Variants in INPP5F observed in about 807,000 individuals in gnomAD.
The protein encoded by INPP5F is phosphatidylinositide 4-phosphatase SAC2.
A neutral mutation model predicts 137.2 loss-of-function variants in INPP5F; 97 were observed. The ratio of observed to expected loss-of-function variants is 0.71; its 90% CI spans 0.60 to 0.84. INPP5F has a LOEUF of 0.84. INPP5F is among the 40% of genes least tolerant of loss of function. INPP5F has a pLI of 0.00. For missense variants in INPP5F, 1,271 were observed against 1,371.9 expected, an observed-to-expected ratio of 0.93 and a Z score of 1.16; for synonymous variants, 504 against 476.9, an observed-to-expected ratio of 1.06 and a Z score of -0.74.
intron 3 of INPP5F, among the ~76,000 whole-genome samples, chr10:119,790,061 G>C (rs1376276746): frequency 6.6e-6 from 1 of 151,412 alleles, no homozygotes; most frequent in African/African-American, 2.4e-5. Context: ...GGGGTGGGGT[G>C]GGGGGCGAGT....
intron 1 of INPP5F, among the ~76,000 whole-genome samples, chr10:119,731,073 C>A (rs188903587): frequency 1.3e-5 from 2 of 152,264 alleles, no homozygotes; most frequent in East Asian, 3.9e-4. Context: ...AGGCATGAGC[C>A]ACCGCGCCTG....
chr10:119,814,264 G>A (rs1411528092), intron 15 of INPP5F, among the ~76,000 whole-genome samples: 1 of 152,118 alleles, frequency 6.6e-6, no homozygotes, highest in Non-Finnish European at 1.5e-5. Context: ...GTGCGTGCCT[G>A]TAGTCTCAGC....
chr10:119,755,289 GTT>G (rs1722166452), intron 2 of INPP5F, among the ~76,000 whole-genome samples: 1 of 152,196 alleles, frequency 6.6e-6, no homozygotes, highest in Non-Finnish European at 1.5e-5. Flanking sequence ...TGTTGGCTGG[GTT>G]GGTTCCTCCC....
chr10:119,766,246 C>T (rs1458756399), intron 2 of INPP5F, among the ~76,000 whole-genome samples: 5 of 152,140 alleles, frequency 3.3e-5, no homozygotes, highest in Non-Finnish European at 7.4e-5. Flanking sequence ...TTGGTGAGGG[C>T]AGTCTTTATT....
chr10:119,762,861 A>G (rs1589688296), intron 2 of INPP5F, among the ~76,000 whole-genome samples: 1 of 152,290 alleles, frequency 6.6e-6, no homozygotes, highest in African/African-American at 2.4e-5. Flanking sequence ...TGCTCTTCTC[A>G]TATGCAAAAT....
At chr10:119,813,737 C>T (rs1308169957) in intron 15 of INPP5F, among the ~76,000 whole-genome samples, 1 of 152,204 alleles carries the variant, frequency 6.6e-6, no homozygotes, top group African/African-American at 2.4e-5. Context: ...TAGCTCACAC[C>T]TGTAATCCCA....
At chr10:119,799,333 A>G (rs779443899) in intron 9 of INPP5F, 1 of 449,668 alleles carries the variant, frequency 2.2e-6, no homozygotes. Flanking sequence ...GTAGGAAGAA[A>G]CAGCCTAAAA....
chr10:119,742,321 A>T (rs1564802768), intron 1 of INPP5F, among the ~76,000 whole-genome samples: 1 of 151,194 alleles, frequency 6.6e-6, no homozygotes, highest in African/African-American at 2.4e-5. Context: ...TGCCTGGTTA[A>T]TTTTTTTTGT....
intron 1 of INPP5F, among the ~76,000 whole-genome samples, chr10:119,734,496 AC>A (rs1238237977): frequency 2.6e-5 from 4 of 152,002 alleles, no homozygotes; most frequent in Non-Finnish European, 5.9e-5. Flanking sequence ...CCAAACCATG[AC>A]TTTTCTTTTT....
intron 1 of INPP5F, among the ~76,000 whole-genome samples, chr10:119,743,361 T>C (rs1848432533): frequency 6.6e-6 from 1 of 152,320 alleles, no homozygotes; most frequent in East Asian, 1.9e-4. Flanking sequence ...CTAAGTGAGC[T>C]TCCTCTTCCT....
chr10:119,734,320 T>C (rs556608705), intron 1 of INPP5F, among the ~76,000 whole-genome samples: 19 of 152,314 alleles, frequency 1.2e-4, no homozygotes, highest in Non-Finnish European at 2.2e-4. Context: ...CAAACTAGTT[T>C]GGGGTATATC....
Position 119,827,650 on chromosome 10 carries a change from C to T in INPP5F, c.3269C>T (p.Thr1090Ile). 1 of 1,614,140 alleles carries T rather than the reference C, an allele frequency of 6.2e-7. No homozygotes were observed. ...GCTAGTATTACCCAAGCTGGATTAA[C>T]CCATGGGATAAACTTTGCAGTGTCA... ...QVASITQAGLTHGINFAVSKV... is the reference protein window; with the variant it reads ...QVASITQAGLIHGINFAVSKV... The change falls in exon 20 of 20, where the codon ACC becomes ATC. Residue 1090 changes from threonine (T) to isoleucine (I), a missense_variant. Transcript: ENST00000650623.
rs1354902949 is a variant in INPP5F, at chr10:119,804,274, T to C, written c.1218T>C (p.Val406=). ...LLFNNSHLTY[V]SFDFHEHCRG... is the part of the protein sequence containing the mutation. ...TCAACAACTCACACCTCACTTACGT[T>C]TCGTTTGACTTCCATGAGCACTGGT... Residue 406 remains valine (V), a synonymous_variant, in exon 10 of 20, where the codon GTT becomes GTC. Transcript: ENST00000650623. 2 of 1,611,906 alleles carry C rather than the reference T, an allele frequency of 1.2e-6. No homozygotes were observed. Among genetic ancestry groups the C allele is most frequent in the South Asian group, 1.1e-5 (1 of 90,632 alleles).
chr10:119,774,818 T>C (rs1460052310), intron 2 of INPP5F, among the ~76,000 whole-genome samples: 1 of 152,172 alleles, frequency 6.6e-6, no homozygotes, highest in African/African-American at 2.4e-5. Flanking sequence ...AACTGCTAAA[T>C]ATATAATATT....
chr10:119,752,474 A>G (rs1848715694), intron 2 of INPP5F, among the ~76,000 whole-genome samples: 1 of 151,252 alleles, frequency 6.6e-6, no homozygotes, highest in Non-Finnish European at 1.5e-5. Context: ...AATCCCAGCT[A>G]TTCGGGAGGC....
intron 2 of INPP5F, among the ~76,000 whole-genome samples, chr10:119,770,347 T>A (rs571523120): frequency 1.2e-4 from 19 of 152,348 alleles, no homozygotes; most frequent in Non-Finnish European, 2.6e-4. Context: ...GAACCAAGTT[T>A]CTTTTCCTGG....
intron 15 of INPP5F, chr10:119,814,630 C>T (rs932489918): frequency 6.6e-6 from 1 of 152,354 alleles, no homozygotes; most frequent in South Asian, 2.1e-4. Context: ...GAAACACACG[C>T]ATTCAGTGCG....
chr10:119,761,651 A>G (rs1451396207), intron 2 of INPP5F, among the ~76,000 whole-genome samples: 1 of 151,716 alleles, frequency 6.6e-6, no homozygotes, highest in Non-Finnish European at 1.5e-5. Context: ...CTGTGAATTC[A>G]TATTTTTAGT....
intron 2 of INPP5F, among the ~76,000 whole-genome samples, chr10:119,757,320 A>T (rs1031705674): frequency 2.6e-5 from 4 of 151,560 alleles, no homozygotes; most frequent in African/African-American, 9.7e-5. Flanking sequence ...GGCCTGCCTC[A>T]GCCTCCCAAA....
Sources: allele counts gnomAD v4.1 joint callset (sites outside exome capture counted in the v4.1 genomes callset), GRCh38; gene constraint gnomAD v4.1.1; transcripts MANE v1.5; gene names NCBI Gene and HGNC (gene_info 2026-07-23, HGNC 2026-07-21).